Variants in NCMAP observed in about 807,000 individuals in gnomAD.
NCMAP encodes non-compact myelin associated protein, also known as noncompact myelin-associated protein.
Under a neutral mutation model 7.8 loss-of-function variants are expected in NCMAP, and 8 were observed. That is an observed-to-expected ratio of 1.02 (90% CI 0.60 to 1.84). The LOEUF is 1.84. Ranked by LOEUF, NCMAP falls within the 40% of genes most tolerant of loss-of-function variation. NCMAP has a pLI of 0.00. For missense variants in NCMAP, 112 were observed against 131.4 expected (o/e 0.85, Z 0.72); for synonymous variants, 41 against 52.9 (o/e 0.78, Z 0.98).
chr1:24,562,316 C>T (rs143820312), intron 1 of NCMAP, among the ~76,000 whole-genome samples: 41 of 152,310 alleles, frequency 2.7e-4, no homozygotes, highest in Non-Finnish European at 4.4e-4. Context: ...TCCTGATAAG[C>T]CTCAGGAACC....
intron 1 of NCMAP, among the ~76,000 whole-genome samples, chr1:24,560,984 G>A (rs1004685602): frequency 6.6e-6 from 1 of 151,954 alleles, no homozygotes; most frequent in Non-Finnish European, 1.5e-5. Flanking sequence ...GATGCATTCT[G>A]ACTTCCCTGA....
Position 24,576,659 on chromosome 1 carries a change from C to T in NCMAP, c.-7-18765C>T, listed in dbSNP as rs1186482733. Among the ~76,000 whole-genome samples, 1 of 152,120 alleles carries T rather than the reference C, an allele frequency of 6.6e-6. No individual in the cohort carries two copies. The highest frequency in any genetic ancestry group is 2.1e-4 in the South Asian group (1 of 4,822). On this transcript the variant is annotated intron_variant, in intron 1 of 3. Transcript: ENST00000374392. This position sits in a 1 kb window ranked among gnomAD's most constrained non-coding sequence, Gnocchi z 4.0. ...ACTGCAGTCCAGACAGAACAAGTGG[C>T]CTGCCCCAGGTCACACAGAAAGTAA... is the stretch of plus-strand genomic sequence containing the variant.
intron 2 of NCMAP, among the ~76,000 whole-genome samples, 173 bp downstream of exon 2, chr1:24,595,685 C>T (rs866893062): frequency 2.0e-5 from 3 of 151,720 alleles, no homozygotes. Context: ...ACATATGCCT[C>T]GGTGGTGTTT....
intron 1 of NCMAP, among the ~76,000 whole-genome samples, chr1:24,574,602 A>G (rs890074400): frequency 1.3e-5 from 2 of 151,954 alleles, no homozygotes; most frequent in Admixed American, 6.6e-5. Flanking sequence ...TGTATAACAC[A>G]TTGATCCTGT....
intron 1 of NCMAP, among the ~76,000 whole-genome samples, chr1:24,583,272 T>C (rs532941518): frequency 6.6e-6 from 1 of 152,262 alleles, no homozygotes; most frequent in African/African-American, 2.4e-5. Context: ...GCGATGGTGC[T>C]GAATATCCTA....
chr1:24,604,573 TAAAAAAAAAAAAAAAAAAAAA>T (rs1159689184), intron 3 of NCMAP, among the ~76,000 whole-genome samples: 5 of 11,056 alleles, frequency 4.5e-4, no homozygotes, highest in African/African-American at 2.2e-3. Flanking sequence ...TAAGACTGTC[TAAAAAAAAAAAAAAAAAAAAA>T]AAAAAAAAAA....
chr1:24,602,381 G>A (rs1385587021), intron 3 of NCMAP, among the ~76,000 whole-genome samples: 1 of 135,806 alleles, frequency 7.4e-6, no homozygotes, highest in Non-Finnish European at 1.5e-5. Flanking sequence ...AGGAGATCGA[G>A]ACCACGGTGA....
intron 1 of NCMAP, among the ~76,000 whole-genome samples, chr1:24,584,985 G>C (rs1476184389): frequency 9.1e-6 from 1 of 110,236 alleles, no homozygotes; most frequent in Non-Finnish European, 1.9e-5. Flanking sequence ...GGGTGGGTGG[G>C]TGGGGGCATG....
In NCMAP at chr1:24,597,745, A is replaced by C. The variant is rs78456167; in HGVS notation, c.82+2233A>C. 8.0e-3 allele frequency among the ~76,000 whole-genome samples: 1,156 copies of C among 144,192 alleles called. 49 individuals carry two copies. Among genetic ancestry groups the C allele is most frequent in the Middle Eastern group, 0.021 (5 of 242 alleles). The allele number at this position is 144,192 out of a possible 152,430, so 94.6% of individuals were successfully genotyped here. On this transcript the variant is annotated intron_variant, in intron 2 of 3. Transcript: ENST00000374392. Reference sequence around the variant, plus strand: ...CTCAACTAGGTGTTTTTGCCCTGCTAGATAGGGTTACCAGATTTAGCAAAT... The same window carrying C: ...CTCAACTAGGTGTTTTTGCCCTGCTCGATAGGGTTACCAGATTTAGCAAAT...
chr1:24,580,433 G>T (rs1651711664), intron 1 of NCMAP, among the ~76,000 whole-genome samples: 1 of 151,986 alleles, frequency 6.6e-6, no homozygotes, highest in South Asian at 2.1e-4. Flanking sequence ...GAGTGGAGCT[G>T]CGCCTTAACT....
chr1:24,564,661 T>G (rs1651166080), intron 1 of NCMAP, among the ~76,000 whole-genome samples: 1 of 152,018 alleles, frequency 6.6e-6, no homozygotes, highest in Admixed American at 6.6e-5. Context: ...AAATGTTTTT[T>G]AAATGAGTAC....
intron 1 of NCMAP, among the ~76,000 whole-genome samples, chr1:24,590,541 C>G (rs1382931173): frequency 6.6e-6 from 1 of 152,128 alleles, no homozygotes; most frequent in Non-Finnish European, 1.5e-5. Context: ...GTGGGCAGTG[C>G]TGGGTGGGAA....
Position 24,605,890 on chromosome 1 carries a change from C to A in NCMAP, c.*143C>A. On this transcript the variant is annotated 3_prime_UTR_variant, in exon 4 of 4. Coordinates refer to ENST00000374392, the MANE Select transcript of NCMAP (RefSeq NM_001010980.5). Reference sequence around the variant, plus strand: ...TCTTTGACGCAATCTCTGATGCTTCCAGCAATCCTCAACCTTGTCTGCCCT... The same window carrying A: ...TCTTTGACGCAATCTCTGATGCTTCAAGCAATCCTCAACCTTGTCTGCCCT... 1 of 981,752 alleles carries A rather than the reference C, an allele frequency of 1.0e-6. No individual in the cohort carries two copies. The highest frequency in any genetic ancestry group is 1.5e-6 in the Non-Finnish European group (1 of 673,042). The allele number at this position is 981,752 out of a possible 1,614,324, so 60.8% of individuals were successfully genotyped here.
chr1:24,561,657 TC>T (rs1188910936), intron 1 of NCMAP, among the ~76,000 whole-genome samples: 1 of 152,104 alleles, frequency 6.6e-6, no homozygotes, highest in East Asian at 1.9e-4. Flanking sequence ...ATGCCTGTAA[TC>T]CCAGCACTTT....
chr1:24,556,471 G>GACTT (rs1650899506), intron 1 of NCMAP, among the ~76,000 whole-genome samples: 1 of 152,210 alleles, frequency 6.6e-6, no homozygotes, highest in Non-Finnish European at 1.5e-5. Flanking sequence ...GCCGAGGCTC[G>GACTT]CTGGAAGAAA....
chr1:24,602,241 T>C (rs1036743206), intron 3 of NCMAP, among the ~76,000 whole-genome samples: 3 of 152,228 alleles, frequency 2.0e-5, no homozygotes, highest in African/African-American at 7.2e-5. Context: ...ATGGCATTGT[T>C]AGTTTTTGCT....
chr1:24,575,748 C>T (rs1225691182), intron 1 of NCMAP, among the ~76,000 whole-genome samples: 2 of 151,532 alleles, frequency 1.3e-5, no homozygotes, highest in African/African-American at 2.4e-5. Flanking sequence ...GAGTTTGAGA[C>T]CAGCCTGACC....
chr1:24,602,825 C>T (rs1023902212), intron 3 of NCMAP, among the ~76,000 whole-genome samples: 5 of 151,638 alleles, frequency 3.3e-5, no homozygotes, highest in Admixed American at 6.6e-5. Flanking sequence ...GAGGCTGAGG[C>T]GGGCAGATCA....
chr1:24,597,470 C>G (rs1652267454), intron 2 of NCMAP, among the ~76,000 whole-genome samples: 1 of 130,178 alleles, frequency 7.7e-6, no homozygotes, highest in African/African-American at 3.0e-5. Flanking sequence ...CACCACTGCA[C>G]TCCAGCCTGG....
Sources: allele counts gnomAD v4.1 joint callset (sites outside exome capture counted in the v4.1 genomes callset), GRCh38; gene constraint gnomAD v4.1.1; non-coding constraint Gnocchi (gnomAD v3.1); transcripts MANE v1.5; gene names NCBI Gene and HGNC (gene_info 2026-07-23, HGNC 2026-07-21).